Variants in MEI4 observed in about 807,000 individuals in gnomAD.
MEI4 encodes the protein meiosis-specific protein MEI4.
MEI4 carries 27 observed loss-of-function variants against 31.4 expected under a neutral mutation model. The ratio of observed to expected loss-of-function variants is 0.86; its 90% confidence interval spans 0.63 to 1.19. MEI4 has a LOEUF of 1.19. Ranked by LOEUF, MEI4 falls within the 50% of genes most tolerant of loss-of-function variation. The pLI is 0.00. For missense variants in MEI4, 329 were observed against 398.9 expected (o/e 0.82, Z 1.49); for synonymous variants, 122 against 145.4 (o/e 0.84, Z 1.16).
In MEI4 at chr6:77,690,651, A is replaced by G. The variant is rs963755951; in HGVS notation, c.-14-7A>G. 8.4e-7 allele frequency: 1 copy of G among 1,197,058 alleles called. No homozygotes were observed. Among genetic ancestry groups the G allele is most frequent in the African/African-American group, 1.6e-5 (1 of 63,698 alleles). 74.2% of individuals were successfully genotyped at this position (1,197,058 alleles called of 1,614,324 possible). ...ATTTCTATAACTTTTTTCTTATTAAATGATAGGGACAAAAGCCAGGATGGA... is the reference window on the plus strand; with the variant it reads ...ATTTCTATAACTTTTTTCTTATTAAGTGATAGGGACAAAAGCCAGGATGGA... On this transcript the variant is annotated splice_region_variant and splice_polypyrimidine_tract_variant and intron_variant, in intron 1 of 4. Transcript: ENST00000684080.
intron 1 of MEI4, among the ~76,000 whole-genome samples, chr6:77,685,524 C>A (rs1047418792): frequency 6.6e-6 from 1 of 151,878 alleles, no homozygotes; most frequent in Non-Finnish European, 1.5e-5. Context: ...TGATTGTTTC[C>A]TTTGCTGTGC....
At chr6:77,917,371 GT>G (rs1202445933) in intron 4 of MEI4, among the ~76,000 whole-genome samples, 1 of 150,832 alleles carries the variant, frequency 6.6e-6, no homozygotes, top group Non-Finnish European at 1.5e-5. Context: ...GGTTGTACTA[GT>G]TTACAGTCCC....
At chr6:77,755,061 T>C (rs542090938) in intron 2 of MEI4, among the ~76,000 whole-genome samples, 1 of 152,250 alleles carries the variant, frequency 6.6e-6, no homozygotes, top group South Asian at 2.1e-4. Flanking sequence ...CTGGGCACAG[T>C]TGGTGGCACC....
chr6:77,752,605 G>A (rs1331840637), intron 2 of MEI4, among the ~76,000 whole-genome samples: 3 of 152,114 alleles, frequency 2.0e-5, no homozygotes, highest in African/African-American at 7.2e-5. Context: ...AAGGAAATAA[G>A]AGAAGACACA....
At chr6:77,668,692 G>A (rs1319818932) in intron 1 of MEI4, among the ~76,000 whole-genome samples, 1 of 152,070 alleles carries the variant, frequency 6.6e-6, no homozygotes, top group Non-Finnish European at 1.5e-5. Flanking sequence ...ATGATAAAAG[G>A]TACATCACAG....
intron 4 of MEI4, among the ~76,000 whole-genome samples, chr6:77,830,659 G>T (rs1378243380): frequency 6.6e-6 from 1 of 151,998 alleles, no homozygotes; most frequent in Non-Finnish European, 1.5e-5. Flanking sequence ...TGGCCAAAGG[G>T]CAGTATTTAA....
chr6:77,746,673 G>T (rs988891011), intron 2 of MEI4, among the ~76,000 whole-genome samples: 1 of 145,894 alleles, frequency 6.9e-6, no homozygotes, highest in Admixed American at 6.9e-5. Flanking sequence ...GTGTGTGTGT[G>T]TATGAATATG....
chr6:77,759,217 C>CT (rs1214895351), intron 2 of MEI4, among the ~76,000 whole-genome samples: 2 of 152,094 alleles, frequency 1.3e-5, no homozygotes, highest in South Asian at 2.1e-4. Context: ...TTTCTTGTAC[C>CT]TTTTAAATTG....
chr6:77,872,141 C>A (rs528155800), intron 4 of MEI4, among the ~76,000 whole-genome samples: 5 of 152,242 alleles, frequency 3.3e-5, no homozygotes, highest in African/African-American at 1.2e-4. Context: ...TCCCAGGCCA[C>A]CGTTTAGAGC....
At chr6:77,839,406 A>ATC (rs1235738515) in intron 4 of MEI4, among the ~76,000 whole-genome samples, 1 of 152,096 alleles carries the variant, frequency 6.6e-6, no homozygotes, top group African/African-American at 2.4e-5. Context: ...GCCCTTTGCT[A>ATC]TCTCTGGACA....
chr6:77,791,913 T>G (rs1768947700), intron 3 of MEI4, among the ~76,000 whole-genome samples: 1 of 152,180 alleles, frequency 6.6e-6, no homozygotes, highest in Non-Finnish European at 1.5e-5. Flanking sequence ...CCAACATCTC[T>G]GATCATCCTT....
intron 4 of MEI4, among the ~76,000 whole-genome samples, chr6:77,839,788 A>G (rs1156441855): frequency 1.3e-5 from 2 of 152,202 alleles, no homozygotes; most frequent in Non-Finnish European, 2.9e-5. Context: ...TACAAAAAAG[A>G]AAATCAATAT....
At chr6:77,881,891 A>G (rs190284232) in intron 4 of MEI4, among the ~76,000 whole-genome samples, 1 of 152,324 alleles carries the variant, frequency 6.6e-6, no homozygotes, top group East Asian at 1.9e-4. Context: ...ATTTAATTCA[A>G]TTTCAAGACA....
chr6:77,910,625 C>G (rs1257390612), intron 4 of MEI4, among the ~76,000 whole-genome samples: 2 of 152,076 alleles, frequency 1.3e-5, no homozygotes, highest in Admixed American at 6.6e-5. Context: ...AATGGCCATA[C>G]AGCCCAAAGT....
chr6:77,904,331 C>G (rs1766246889), intron 4 of MEI4, among the ~76,000 whole-genome samples: 2 of 152,040 alleles, frequency 1.3e-5, no homozygotes, highest in South Asian at 4.1e-4. Flanking sequence ...GTTTTAGGTT[C>G]AGGGAGTACA....
intron 2 of MEI4, among the ~76,000 whole-genome samples, chr6:77,716,605 T>A (rs898206067): frequency 1.3e-5 from 2 of 152,012 alleles, no homozygotes; most frequent in Admixed American, 6.6e-5. Flanking sequence ...GGGGAGTAAC[T>A]TGGGCAAGGG....
rs182756585 is a variant in MEI4, at chr6:77,766,604, T to C, written c.768+4939T>C. On this transcript the variant is annotated intron_variant, in intron 3 of 4. Transcript: ENST00000684080. ...AATTTTTTTGTATTTTTAGTAGAGATGGTTTCACCGTGTTAGCCAGGATGA... is the reference window on the plus strand; with the variant it reads ...AATTTTTTTGTATTTTTAGTAGAGACGGTTTCACCGTGTTAGCCAGGATGA... Among the ~76,000 whole-genome samples the C allele has an allele frequency of 1.4e-3, 213 of 152,060 alleles. 1 individual carries two copies. Among genetic ancestry groups the C allele is most frequent in the African/African-American group, 4.4e-3 (184 of 41,498 alleles).
rs188718569 is a variant in MEI4 at position 77,779,248 on chromosome 6, T to C, written c.768+17583T>C. Among the ~76,000 whole-genome samples, 90 of 152,238 alleles carry C rather than the reference T, an allele frequency of 5.9e-4. 2 individuals are homozygous for C. The highest frequency in any genetic ancestry group is 1.4e-3 in the African/African-American group (58 of 41,558). On this transcript the variant is annotated intron_variant, in intron 3 of 4. Transcript: ENST00000684080. ...AGGAAAGTATTGTCATGGAAACCAATAGAAGAGAGTATTTCACAAAGAAGA... is the reference window on the plus strand; with the variant it reads ...AGGAAAGTATTGTCATGGAAACCAACAGAAGAGAGTATTTCACAAAGAAGA...
chr6:77,781,971 A>G (rs577727950), intron 3 of MEI4, among the ~76,000 whole-genome samples: 13 of 152,244 alleles, frequency 8.5e-5, no homozygotes, highest in Admixed American at 7.2e-4. Flanking sequence ...GGCCAAATGC[A>G]TGGATTGTGT....
Sources: gnomAD v4.1 joint callset for allele counts (sites outside exome capture counted in the v4.1 genomes callset) on GRCh38, gnomAD v4.1.1 for gene constraint, MANE v1.5 for transcripts, NCBI Gene and HGNC (gene_info 2026-07-23, HGNC 2026-07-21) for gene names.